Variants in RASSF8 observed in about 807,000 individuals in gnomAD.
RASSF8 encodes the protein Ras association domain family member 8.
Under a neutral mutation model 48.5 loss-of-function variants are expected in RASSF8, and 22 were observed. The ratio of observed to expected loss-of-function variants is 0.45; its 90% CI spans 0.32 to 0.65. The LOEUF (loss-of-function observed/expected upper bound fraction) is 0.65. Ranked by LOEUF, RASSF8 falls within the 30% of genes least tolerant of loss-of-function variation. The pLI is 0.03. For synonymous variants in RASSF8, 127 were observed against 171.5 expected (o/e 0.74, Z 2.03); for missense variants, 418 against 489.2 (o/e 0.85, Z 1.37).
At chr12:25,962,418 T>C (rs1941258215) in intron 1 of RASSF8, among the ~76,000 whole-genome samples, 1 of 152,232 alleles carries the variant, frequency 6.6e-6, no homozygotes, top group African/African-American at 2.4e-5. Flanking sequence ...TCACTTTTGC[T>C]TCTGAATATT....
chr12:26,057,625 T>A (rs1470711369), intron 3 of RASSF8, among the ~76,000 whole-genome samples: 3 of 152,216 alleles, frequency 2.0e-5, no homozygotes, highest in African/African-American at 7.2e-5. Flanking sequence ...TGATTTATAA[T>A]CCTTTGGGTA....
chr12:25,989,044 A>G lies in RASSF8; in HGVS notation c.-202-5993A>G, dbSNP rs79300238. ...ATTCTGCAAACTCACTGTGCCTCCA[A>G]CAGAGCCTTGTACTTACCAAGCGGT... On this transcript the variant is annotated intron_variant, in intron 1 of 5. Coordinates refer to ENST00000689635, the MANE Select transcript of RASSF8 (RefSeq NM_001394098.1). 4.1e-3 allele frequency among the ~76,000 whole-genome samples: 620 copies of G among 152,324 alleles called. 3 individuals carry two copies. The highest frequency in any genetic ancestry group is 0.014 in the African/African-American group (573 of 41,574).
At chr12:25,980,377 T>A (rs1031099534) in intron 1 of RASSF8, among the ~76,000 whole-genome samples, 4 of 152,170 alleles carry the variant, frequency 2.6e-5, no homozygotes, top group African/African-American at 9.7e-5. Flanking sequence ...AAAAAGAGAT[T>A]AAAGAGTAAA....
chr12:25,972,193 T>C lies in RASSF8; in HGVS notation c.-203+13045T>C, dbSNP rs1328325629. ...TAGGTGATACTGAAATCTAGATTAA[T>C]AGGAGTGGAAGTTTTACTTGGCTTC... On this transcript the variant is annotated intron_variant, in intron 1 of 5. Transcript: ENST00000689635. Among the ~76,000 whole-genome samples the C allele has an allele frequency of 2.0e-5, 3 of 152,154 alleles. No individual in the cohort carries two copies. The East Asian group carries it at 5.8e-4, about 29-fold the overall frequency.
At chr12:26,026,857 A>G (rs73079023) in intron 2 of RASSF8, among the ~76,000 whole-genome samples, 18,680 of 152,224 alleles carry the variant, frequency 0.12, 1,510 homozygotes, top group Admixed American at 0.2. Flanking sequence ...AATGTTACAC[A>G]TAGAGTTATC....
intron 3 of RASSF8, among the ~76,000 whole-genome samples, chr12:26,060,872 T>C (rs1193997984): frequency 6.6e-6 from 1 of 152,186 alleles, no homozygotes; most frequent in African/African-American, 2.4e-5. Flanking sequence ...CCTGAAGATA[T>C]GTTAGCATTA....
chr12:26,017,797 A>AAAACTCT (rs1942687591), intron 2 of RASSF8, among the ~76,000 whole-genome samples: 1 of 152,224 alleles, frequency 6.6e-6, no homozygotes, highest in Non-Finnish European at 1.5e-5. Flanking sequence ...CCTGTGTCTC[A>AAAACTCT]CTAGTGCCCT....
chr12:26,038,371 A>G (rs2643930), intron 2 of RASSF8, among the ~76,000 whole-genome samples: 58,040 of 151,960 alleles, frequency 0.38, 11,737 homozygotes, highest in Non-Finnish European at 0.45. Flanking sequence ...AGATCCTGCA[A>G]ATGTACTTGT....
intron 2 of RASSF8, among the ~76,000 whole-genome samples, chr12:26,040,154 T>C (rs925044152): frequency 6.6e-6 from 1 of 151,980 alleles, no homozygotes; most frequent in Non-Finnish European, 1.5e-5. Context: ...GGTTGAATCA[T>C]AACTTTAAAT....
rs572881699 is a variant in RASSF8 at position 26,078,897 on chromosome 12, CAAAA to C, written c.1139-130_1139-127del. ...TAAATGAATATTTCTAGAAGGTTCT[CAAAA>C]AAAAAGGCGCTAACCGAAAAGACAA... On this transcript the variant is annotated intron_variant, in intron 5 of 5. Transcript: ENST00000381352. 1.4e-5 allele frequency: 9 copies of C among 647,430 alleles called. No homozygotes were observed. In the East Asian group the frequency reaches 1.7e-4, roughly 12 times the overall value. The allele number at this position is 647,430 out of a possible 1,614,324, so 40.1% of individuals were successfully genotyped here.
intron 2 of RASSF8, among the ~76,000 whole-genome samples, chr12:25,995,972 T>C (rs1031959202): frequency 6.6e-6 from 1 of 152,200 alleles, no homozygotes; most frequent in Non-Finnish European, 1.5e-5. Context: ...CATAAACTGA[T>C]TTCCCCCTGA....
intron 1 of RASSF8, among the ~76,000 whole-genome samples, chr12:25,992,702 A>G (rs1942042368): frequency 6.6e-6 from 1 of 152,124 alleles, no homozygotes; most frequent in African/African-American, 2.4e-5. Context: ...GAGGCACTGG[A>G]GGTGGGCCTG....
At chr12:25,966,729 TG>T in intron 1 of RASSF8, among the ~76,000 whole-genome samples, 1 of 152,334 alleles carries the variant, frequency 6.6e-6, no homozygotes, top group South Asian at 2.1e-4. Context: ...TCTCCCAGTT[TG>T]TGTCTCATCG....
At chr12:25,996,595 GTT>G (rs879311399) in intron 2 of RASSF8, among the ~76,000 whole-genome samples, 1 of 152,156 alleles carries the variant, frequency 6.6e-6, no homozygotes, top group Non-Finnish European at 1.5e-5. Context: ...CTGCTGAAGA[GTT>G]TTCATTTTTT....
intron 1 of RASSF8, among the ~76,000 whole-genome samples, chr12:25,986,976 C>T (rs1941899384): frequency 6.6e-6 from 1 of 151,272 alleles, no homozygotes; most frequent in Non-Finnish European, 1.5e-5. Flanking sequence ...TCGCTCGTCG[C>T]CCAGGCTGGA....
intron 2 of RASSF8, among the ~76,000 whole-genome samples, chr12:26,023,664 CA>C (rs770619205): frequency 6.8e-6 from 1 of 147,564 alleles, no homozygotes; most frequent in Non-Finnish European, 1.5e-5. Context: ...GCATTAAAAA[CA>C]AAAAAAACAA....
chr12:26,059,984 G>A (rs147237690), intron 3 of RASSF8, among the ~76,000 whole-genome samples: 4 of 152,086 alleles, frequency 2.6e-5, no homozygotes, highest in East Asian at 1.9e-4. Context: ...TGCAAGCTCC[G>A]CCTCCCAGGT....
chr12:26,057,763 A>G (rs996615738), intron 3 of RASSF8, among the ~76,000 whole-genome samples: 6 of 152,080 alleles, frequency 3.9e-5, no homozygotes, highest in African/African-American at 1.2e-4. Context: ...AAATGTTCCT[A>G]TTTCTCCACG....
chr12:25,995,904 C>A lies in RASSF8; in HGVS notation c.-109+774C>A, dbSNP rs559134491. 2.6e-5 allele frequency among the ~76,000 whole-genome samples: 4 copies of A among 152,304 alleles called. No individual in the cohort carries two copies. The South Asian group carries it at 8.3e-4, about 32-fold the overall frequency. On this transcript the variant is annotated intron_variant, in intron 2 of 5. Coordinates refer to ENST00000689635, the MANE Select transcript of RASSF8 (RefSeq NM_001394098.1). ...CTGTCTCATAAATTCCTTAATCTCT[C>A]ATTTGCAAAAGTTATGTGTGTGCAT...
Sources: gnomAD v4.1 joint callset for allele counts (sites outside exome capture counted in the v4.1 genomes callset) on GRCh38, gnomAD v4.1.1 for gene constraint, MANE v1.5 for transcripts, NCBI Gene and HGNC (gene_info 2026-07-23, HGNC 2026-07-21) for gene names.